Variants in SDK1 observed in about 807,000 individuals in gnomAD.
SDK1 encodes protein sidekick-1.
Under a neutral mutation model 245.5 loss-of-function variants are expected in SDK1, and 157 were observed. The observed-to-expected ratio is 0.64, with a 90% CI of 0.56 to 0.73. SDK1 has a LOEUF of 0.73. SDK1 is among the 30% of genes least tolerant of loss of function. The pLI is 0.00. For missense variants in SDK1, 3,583 were observed against 3,002.3 expected, an observed-to-expected ratio of 1.19 and a Z score of -4.52; for synonymous variants, 1,647 against 1,278.5, an observed-to-expected ratio of 1.29 and a Z score of -6.15.
At chr7:3,616,687 C>G (rs1781782705) in intron 1 of SDK1, among the ~76,000 whole-genome samples, 1 of 151,838 alleles carries the variant, frequency 6.6e-6, no homozygotes, top group South Asian at 2.1e-4. Context: ...TACTAATATA[C>G]CAATTATGAT....
At chr7:3,363,768 C>A (rs938708279) in intron 1 of SDK1, among the ~76,000 whole-genome samples, 1 of 152,192 alleles carries the variant, frequency 6.6e-6, no homozygotes, top group Non-Finnish European at 1.5e-5. Flanking sequence ...GGAGCTCAGG[C>A]GGGAATGCTC....
intron 5 of SDK1, among the ~76,000 whole-genome samples, chr7:3,932,991 G>T (rs1354853188): frequency 6.6e-6 from 1 of 152,070 alleles, no homozygotes; most frequent in Non-Finnish European, 1.5e-5. Flanking sequence ...GCTGAGCCCA[G>T]AACCTGCCCT....
chr7:4,197,436 T>A lies in SDK1; in HGVS notation c.5099-8443T>A, dbSNP rs185382768. Among the ~76,000 whole-genome samples the A allele has an allele frequency of 1.0e-3, 152 of 152,288 alleles. 1 individual carries two copies. Among genetic ancestry groups the A allele is most frequent in the African/African-American group, 3.5e-3 (145 of 41,568 alleles). On this transcript the variant is annotated intron_variant, in intron 35 of 44. Coordinates refer to ENST00000404826, the MANE Select transcript of SDK1 (RefSeq NM_152744.4). ...CCAGAAGGTTGAGGCTGCAGTGAGCTGTGATGGTGCCACTGCACTCCAGTC... is the reference window on the plus strand; with the variant it reads ...CCAGAAGGTTGAGGCTGCAGTGAGCAGTGATGGTGCCACTGCACTCCAGTC...
At chr7:3,822,029 A>G (rs1779659611) in intron 5 of SDK1, among the ~76,000 whole-genome samples, 1 of 152,222 alleles carries the variant, frequency 6.6e-6, no homozygotes, top group Non-Finnish European at 1.5e-5. Flanking sequence ...AAGCATAATC[A>G]GTTGATCATT....
chr7:4,060,198 A>C (rs1779448058), intron 19 of SDK1, among the ~76,000 whole-genome samples: 1 of 152,196 alleles, frequency 6.6e-6, no homozygotes, highest in African/African-American at 2.4e-5. Context: ...TCTTGAAACA[A>C]ATGAAAATTG....
At chr7:3,852,287 G>A (rs996456269) in intron 5 of SDK1, among the ~76,000 whole-genome samples, 3 of 151,798 alleles carry the variant, frequency 2.0e-5, no homozygotes, top group Admixed American at 6.6e-5. Flanking sequence ...AGCCGAGAGC[G>A]ACGGATGGCA....
intron 5 of SDK1, among the ~76,000 whole-genome samples, chr7:3,908,371 C>T (rs1224595364): frequency 6.6e-6 from 1 of 152,204 alleles, no homozygotes; most frequent in Non-Finnish European, 1.5e-5. Context: ...TCAGCTTGGT[C>T]TCATTCCCCA....
intron 1 of SDK1, among the ~76,000 whole-genome samples, chr7:3,399,907 G>A (rs1209538798): frequency 6.6e-6 from 1 of 152,092 alleles, no homozygotes; most frequent in African/African-American, 2.4e-5. Flanking sequence ...TGGTATGGCC[G>A]ACTTAATAGC....
chr7:3,877,867 T>C (rs905569050), intron 5 of SDK1, among the ~76,000 whole-genome samples: 3 of 152,258 alleles, frequency 2.0e-5, no homozygotes, highest in Non-Finnish European at 2.9e-5. Context: ...TATTTAGCCA[T>C]CAATGGAATT....
At chr7:3,314,210 C>T (rs1046677455) in intron 1 of SDK1, among the ~76,000 whole-genome samples, 1 of 152,184 alleles carries the variant, frequency 6.6e-6, no homozygotes, top group Non-Finnish European at 1.5e-5. Context: ...CAGATTGGCA[C>T]GTGGAAATAC....
chr7:4,070,615 C>A (rs2128174356), intron 20 of SDK1, among the ~76,000 whole-genome samples: 1 of 152,306 alleles, frequency 6.6e-6, no homozygotes, highest in East Asian at 1.9e-4. Flanking sequence ...TCAGTAGAAT[C>A]TCCTGTAATC....
At chr7:3,596,739 G>C (rs980661062) in intron 1 of SDK1, among the ~76,000 whole-genome samples, 1 of 152,178 alleles carries the variant, frequency 6.6e-6, no homozygotes, top group Non-Finnish European at 1.5e-5. Flanking sequence ...AAATTTAGCA[G>C]AGTTTAATTG....
intron 1 of SDK1, among the ~76,000 whole-genome samples, chr7:3,401,199 C>A: frequency 1.3e-5 from 2 of 152,272 alleles, no homozygotes; most frequent in South Asian, 4.1e-4. Flanking sequence ...GCCACTTACA[C>A]GAGCATTCAA....
intron 5 of SDK1, among the ~76,000 whole-genome samples, chr7:3,877,376 A>C (rs1316766148): frequency 6.6e-6 from 1 of 152,202 alleles, no homozygotes; most frequent in Admixed American, 6.5e-5. Flanking sequence ...CTCAGCAGAA[A>C]GTAGCTGCTA....
At position 4,107,834 on chromosome 7, in the gene SDK1, G is replaced by C. The variant is rs113938934; in HGVS notation, c.3325-2829G>C. ...TGCCCTTCCCTCTGTGCTGTGGTGCGTGTTCTCCATTACCTGGAGGCCTGT... is the reference window on the plus strand; with the variant it reads ...TGCCCTTCCCTCTGTGCTGTGGTGCCTGTTCTCCATTACCTGGAGGCCTGT... On this transcript the variant is annotated intron_variant, in intron 22 of 44. Transcript: ENST00000404826. Among the ~76,000 whole-genome samples the C allele has an allele frequency of 7.9e-3, 1,206 of 152,266 alleles. 10 individuals are homozygous for C. The highest frequency in any genetic ancestry group is 0.019 in the South Asian group (92 of 4,826).
intron 1 of SDK1, among the ~76,000 whole-genome samples, chr7:3,392,671 G>A (rs555236114): frequency 1.6e-3 from 245 of 152,010 alleles, no homozygotes; most frequent in African/African-American, 5.8e-3. Flanking sequence ...TTATGAATTT[G>A]TCTACTCTAG....
intron 31 of SDK1, 73 bp from the exon 32 acceptor site, chr7:4,161,713 A>C (rs1781136262): frequency 8.1e-7 from 1 of 1,239,628 alleles, no homozygotes; most frequent in African/African-American, 1.5e-5. Context: ...ATACTCACTG[A>C]GGGTGGCCCT....
At chr7:4,190,937 G>A (rs1259093916) in intron 35 of SDK1, among the ~76,000 whole-genome samples, 2 of 152,188 alleles carry the variant, frequency 1.3e-5, no homozygotes, top group African/African-American at 4.8e-5. Context: ...CCACAGGTGC[G>A]AGCCTAGCCA....
At chr7:3,611,128 T>C (rs546045948) in intron 1 of SDK1, among the ~76,000 whole-genome samples, 63 of 152,196 alleles carry the variant, frequency 4.1e-4, no homozygotes, top group African/African-American at 1.5e-3. Context: ...TACAGAGAAG[T>C]TGGGTGGGTA....
Sources: gnomAD v4.1 joint callset for allele counts (sites outside exome capture counted in the v4.1 genomes callset) on GRCh38, gnomAD v4.1.1 for gene constraint, MANE v1.5 for transcripts, NCBI Gene and HGNC (gene_info 2026-07-23, HGNC 2026-07-21) for gene names.